The following RYR3 variants were observed in gnomAD, a reference collection of about 807,000 sequenced individuals.
The protein encoded by RYR3 is brain ryanodine receptor-calcium release channel.
In RYR3, 207 loss-of-function variants were observed where a neutral mutation model predicts 584.3. The ratio of observed to expected loss-of-function variants is 0.35; its 90% CI spans 0.32 to 0.40. RYR3 has a LOEUF of 0.40. Ranked by LOEUF, RYR3 falls within the 10% of genes least tolerant of loss-of-function variation. The pLI is 1.00. For missense variants in RYR3, 5,616 were observed against 6,089.2 expected (o/e 0.92, Z 2.59); for synonymous variants, 2,416 against 2,248.5 (o/e 1.07, Z -2.11).
chr15:33,573,033 C>T (rs8030946), intron 12 of RYR3, among the ~76,000 whole-genome samples: 132,625 of 152,190 alleles, frequency 0.87, 58,478 homozygotes, highest in Middle Eastern at 0.98. Context: ...TTGTATGCCT[C>T]TAGTCAATTT....
At chr15:33,427,527 CA>C (rs2044749027) in intron 1 of RYR3, among the ~76,000 whole-genome samples, 1 of 152,204 alleles carries the variant, frequency 6.6e-6, no homozygotes, top group African/African-American at 2.4e-5. Context: ...GTATTCTCTT[CA>C]GTGCAGGTTT....
At chr15:33,452,696 T>G (rs551522879) in intron 1 of RYR3, among the ~76,000 whole-genome samples, 10 of 129,088 alleles carry the variant, frequency 7.7e-5, no homozygotes, top group African/African-American at 2.8e-4. Flanking sequence ...CCAAAAAAAT[T>G]GAGGTGTGAG....
chr15:33,820,645 T>G, intron 77 of RYR3, 111 bp from the exon 78 acceptor site: 1 of 899,776 alleles, frequency 1.1e-6, no homozygotes, highest in Non-Finnish European at 1.7e-6. Context: ...GCTGAGGTCC[T>G]GAGGTGCCTG....
At chr15:33,727,347 A>C (rs567922861) in intron 46 of RYR3, among the ~76,000 whole-genome samples, 2 of 152,296 alleles carry the variant, frequency 1.3e-5, no homozygotes, top group African/African-American at 2.4e-5. Context: ...AACCGTTGTC[A>C]TGTTTCCCAA....
intron 1 of RYR3, among the ~76,000 whole-genome samples, chr15:33,464,669 C>T (rs1321275502): frequency 1.3e-5 from 2 of 150,954 alleles, no homozygotes; most frequent in African/African-American, 2.4e-5. Context: ...TTTTGATATA[C>T]GTTGTGCAGT....
intron 1 of RYR3, among the ~76,000 whole-genome samples, chr15:33,357,564 C>G (rs1974152604): frequency 6.6e-6 from 1 of 152,106 alleles, no homozygotes; most frequent in African/African-American, 2.4e-5. Context: ...TTTTGTCTTG[C>G]AGGTTATTTT....
intron 102 of RYR3, among the ~76,000 whole-genome samples, chr15:33,861,480 C>CTTTTTTTTTT (rs34330524): frequency 4.1e-5 from 6 of 148,060 alleles, no homozygotes; most frequent in Non-Finnish European, 8.9e-5. Context: ...TATAAATATG[C>CTTTTTTTTTT]TTTTTTTTTT....
At chr15:33,360,198 C>T (rs941093939) in intron 1 of RYR3, among the ~76,000 whole-genome samples, 4 of 152,108 alleles carry the variant, frequency 2.6e-5, no homozygotes, top group Non-Finnish European at 5.9e-5. Flanking sequence ...AATCATTTGA[C>T]AAGTAGACCT....
rs1290779320 is a variant in RYR3 at position 33,826,684 on chromosome 15, T to A, written c.11177T>A (p.Leu3726His). Reference protein sequence around the residue: ...LIVRERGEKVLQNDEFTRDLF... With the variant: ...LIVRERGEKVHQNDEFTRDLF... Reference sequence around the variant, plus strand: ...CTGTGTTTTCAAGGTGAAAAAGTACTCCAGAATGACGAGTTCACGCGTGAT... The same window carrying A: ...CTGTGTTTTCAAGGTGAAAAAGTACACCAGAATGACGAGTTCACGCGTGAT... Residue 3726 changes from leucine to histidine, a missense_variant, in exon 84 of 104, where the codon CTC becomes CAC. Leu to His is a moderately conservative substitution (Grantham distance 99). This residue lies in a region of RYR3 where 954 missense variants were observed against 1,132.2 expected (regional missense o/e 0.84). Transcript: ENST00000634891. 1 of 1,613,908 alleles carries A rather than the reference T, an allele frequency of 6.2e-7. No individual in the cohort carries two copies. The highest frequency in any genetic ancestry group is 1.1e-5 in the South Asian group (1 of 91,074).
intron 1 of RYR3, chr15:33,467,591 G>C: frequency 7.3e-6 from 3 of 413,596 alleles, no homozygotes; most frequent in Non-Finnish European, 9.8e-6. Flanking sequence ...GACTTTGTCA[G>C]AGATGACCTG....
chr15:33,818,992 G>A (rs1263561866), intron 76 of RYR3, among the ~76,000 whole-genome samples: 1 of 152,076 alleles, frequency 6.6e-6, no homozygotes, highest in South Asian at 2.1e-4. Flanking sequence ...GCATGGTGGT[G>A]CACGCATGTA....
chr15:33,348,373 C>T (rs1478760933), intron 1 of RYR3, among the ~76,000 whole-genome samples: 2 of 152,226 alleles, frequency 1.3e-5, no homozygotes, highest in Non-Finnish European at 2.9e-5. Context: ...CTTTTCCTCT[C>T]TCACTTCAGT....
In RYR3 at chr15:33,837,934, A is replaced by C. The variant is rs1188249617; in HGVS notation, c.11954A>C (p.Glu3985Ala). 1.2e-6 allele frequency: 2 copies of C among 1,613,922 alleles called. No individual in the cohort carries two copies. Among genetic ancestry groups the C allele is most frequent in the Non-Finnish European group, 8.5e-7 (1 of 1,179,906 alleles). Residue 3985 changes from glutamate to alanine, a missense_variant, in exon 89 of 104, where the codon GAG becomes GCG. Around this residue, in one of 9 missense-constraint regions of RYR3, gnomAD observed 258 missense variants for 297.3 expected, o/e 0.87. Coordinates refer to ENST00000634891, the MANE Select transcript of RYR3 (RefSeq NM_001036.6). ...GTTGATTTTGTAGACCGGTTCCATG[A>C]GCCAGCCAAGGACATAGGGTTTAAT... ...NYVDFVDRFH[E>A]PAKDIGFNVA...
intron 2 of RYR3, among the ~76,000 whole-genome samples, chr15:33,501,819 C>A (rs79922958): frequency 1.2e-4 from 18 of 152,172 alleles, no homozygotes; most frequent in Admixed American, 9.2e-4. Context: ...AAGCTCTGCC[C>A]TGCATCACCA....
At chr15:33,442,296 T>C (rs2046290911) in intron 1 of RYR3, among the ~76,000 whole-genome samples, 3 of 152,242 alleles carry the variant, frequency 2.0e-5, no homozygotes, top group Non-Finnish European at 4.4e-5. Context: ...AATTGAAATT[T>C]CCACCATGAA....
chr15:33,654,183 A>C (rs2062681424), intron 32 of RYR3, among the ~76,000 whole-genome samples: 1 of 152,308 alleles, frequency 6.6e-6, no homozygotes. Context: ...ATGTTCATTA[A>C]GGAGAAATCT....
intron 1 of RYR3, among the ~76,000 whole-genome samples, chr15:33,406,155 C>T (rs2676040): frequency 0.02 from 3,103 of 152,130 alleles, 104 homozygotes; most frequent in African/African-American, 0.072. Flanking sequence ...GAAGGGATAT[C>T]ACAGTAGTTC....
Position 33,723,588 on chromosome 15 carries a change from T to A in RYR3, c.6801-477T>A, listed in dbSNP as rs181509985. 1.6e-3 allele frequency among the ~76,000 whole-genome samples: 240 copies of A among 152,224 alleles called. 2 individuals carry two copies. The highest frequency in any genetic ancestry group is 4.2e-3 in the African/African-American group (174 of 41,504). ...ACTCTTTAGACGGTTGGCTTTTTTC[T>A]TTGTCATCAGACCTGGTAGAGCTGG... On this transcript the variant is annotated intron_variant, in intron 44 of 103. Transcript: ENST00000634891.
chr15:33,851,250 A>G (rs1000582097), intron 94 of RYR3: 11 of 152,230 alleles, frequency 7.2e-5, no homozygotes, highest in African/African-American at 2.4e-4. Context: ...TCTAGAGTAT[A>G]GACCCAGGAG....
Sources: gnomAD v4.1 joint callset for allele counts (sites outside exome capture counted in the v4.1 genomes callset) on GRCh38, gnomAD v4.1.1 for gene constraint, gnomAD v4.1.1 regional missense constraint, MANE v1.5 for transcripts, NCBI Gene and HGNC (gene_info 2026-07-23, HGNC 2026-07-21) for gene names.